The following RTF2 variants were observed in gnomAD, a reference collection of about 807,000 sequenced individuals.
The protein encoded by RTF2 is UPF0549 protein C20orf43.
A neutral mutation model predicts 38.0 loss-of-function variants in RTF2; 18 were observed. The observed-to-expected ratio is 0.47, with a 90% CI of 0.33 to 0.70. The LOEUF is 0.70. Ranked by LOEUF, RTF2 falls within the 30% of genes least tolerant of loss-of-function variation. RTF2 has a pLI of 0.02. For synonymous variants in RTF2, 126 were observed against 137.1 expected (o/e 0.92, Z 0.57); for missense variants, 311 against 379.6 (o/e 0.82, Z 1.50).
At chr20:56,498,453 G>A (rs925874447) in intron 5 of RTF2, among the ~76,000 whole-genome samples, 8 of 150,900 alleles carry the variant, frequency 5.3e-5, no homozygotes, top group African/African-American at 7.3e-5. Flanking sequence ...TGATTATCCC[G>A]TTGCACTCCA....
intron 1 of RTF2, among the ~76,000 whole-genome samples, chr20:56,471,962 C>T (rs764959875): frequency 6.6e-5 from 10 of 152,084 alleles, no homozygotes; most frequent in Non-Finnish European, 1.3e-4. Flanking sequence ...TGTTGGCTTA[C>T]GCCTGTAAAC....
chr20:56,481,032 C>T (rs962885811), intron 4 of RTF2, among the ~76,000 whole-genome samples: 1 of 152,136 alleles, frequency 6.6e-6, no homozygotes, highest in African/African-American at 2.4e-5. Flanking sequence ...GCAGGATTGC[C>T]GTGAACCTTC....
intron 5 of RTF2, chr20:56,503,934 C>G (rs1435512896): frequency 6.6e-6 from 1 of 152,648 alleles, no homozygotes; most frequent in African/African-American, 2.4e-5. Context: ...CACTGCCACA[C>G]TCCAGCCTGG....
At chr20:56,515,235 C>T (rs188390071) in intron 6 of RTF2, among the ~76,000 whole-genome samples, 1 of 152,156 alleles carries the variant, frequency 6.6e-6, no homozygotes. Context: ...AAGCCATCTC[C>T]CTGTTCTTAA....
chr20:56,510,564 A>G lies in RTF2; in HGVS notation c.478-2751A>G, dbSNP rs1207514087. On this transcript the variant is annotated intron_variant, in intron 5 of 8. Transcript: ENST00000357348. ...GCTCACTGCTCCATTTTTTATTTTT[A>G]AAAACTTGCCACCCAACTCATAGGG... Among the ~76,000 whole-genome samples the G allele has an allele frequency of 3.3e-5, 5 of 152,332 alleles. No homozygotes were observed. The South Asian group carries it at 1.0e-3, about 32-fold the overall frequency.
At chr20:56,489,314 T>A (rs1219236812) in intron 5 of RTF2, among the ~76,000 whole-genome samples, 1 of 151,102 alleles carries the variant, frequency 6.6e-6, no homozygotes. Flanking sequence ...TCCACCCGCC[T>A]CAGCCTTCCA....
In RTF2 at chr20:56,468,748, G is replaced by A. The variant is rs1298850822; in HGVS notation, c.51G>A (p.Gly17=). The part of the protein sequence containing the change: ...TIPKRHELVK[G]PKKVEKVDKD... Reference sequence around the variant, plus strand: ...CCAAGAGGCATGAACTGGTGAAGGGGCCGAAGAAGGTTGAGAAGGTCAGTG... The same window carrying A: ...CCAAGAGGCATGAACTGGTGAAGGGACCGAAGAAGGTTGAGAAGGTCAGTG... Residue 17 remains glycine, a synonymous_variant, in exon 1 of 9, where the codon GGG becomes GGA. Coordinates refer to ENST00000357348, the MANE Select transcript of RTF2 (RefSeq NM_016407.5). 1.3e-6 allele frequency: 2 copies of A among 1,587,646 alleles called. No homozygotes were observed. The highest frequency in any genetic ancestry group is 1.7e-6 in the Non-Finnish European group (2 of 1,167,276).
intron 5 of RTF2, among the ~76,000 whole-genome samples, chr20:56,511,535 A>G (rs1262915165): frequency 6.6e-6 from 1 of 152,148 alleles, no homozygotes; most frequent in Non-Finnish European, 1.5e-5. Context: ...ACATTTTCCT[A>G]TAAATTATTC....
At chr20:56,496,194 T>C (rs1391159224) in intron 5 of RTF2, among the ~76,000 whole-genome samples, 2 of 152,122 alleles carry the variant, frequency 1.3e-5, no homozygotes, top group African/African-American at 4.8e-5. Context: ...TCTTGCAAAA[T>C]GTAGAACATT....
chr20:56,468,766 G>C lies in RTF2; in HGVS notation c.69G>C (p.Lys23Asn). The C allele has an allele frequency of 3.2e-6, 5 of 1,577,714 alleles. No individual in the cohort carries two copies. The highest frequency in any genetic ancestry group is 4.3e-6 in the Non-Finnish European group (5 of 1,161,816). ...ELVKGPKKVE[K>N]VDKDAELVAQ... ...TGAAGGGGCCGAAGAAGGTTGAGAAGGTCAGTGATGTGGGCCGGCTCTTGG... is the reference window on the plus strand; with the variant it reads ...TGAAGGGGCCGAAGAAGGTTGAGAACGTCAGTGATGTGGGCCGGCTCTTGG... Residue 23 changes from lysine to asparagine, a missense_variant and splice_region_variant, in exon 1 of 9, where the codon AAG (lysine) becomes AAC (asparagine). By Grantham distance (94) the Lys-to-Asn change is moderately conservative. Coordinates refer to ENST00000357348, the MANE Select transcript of RTF2 (RefSeq NM_016407.5).
intron 5 of RTF2, chr20:56,504,086 G>T (rs773672433): frequency 6.6e-6 from 1 of 152,344 alleles, no homozygotes; most frequent in Non-Finnish European, 1.5e-5. Flanking sequence ...TGGAGGGGGA[G>T]TCCTGGCGGT....
At chr20:56,471,461 G>A (rs1159018849) in intron 1 of RTF2, among the ~76,000 whole-genome samples, 9 of 152,022 alleles carry the variant, frequency 5.9e-5, no homozygotes, top group South Asian at 2.1e-4. Flanking sequence ...CCAGCTACTC[G>A]GGAGGCTGAG....
intron 5 of RTF2, among the ~76,000 whole-genome samples, chr20:56,496,252 T>TC (rs1229433482): frequency 4.6e-5 from 7 of 152,106 alleles, no homozygotes; most frequent in African/African-American, 7.2e-5. Context: ...TTCAATTTTT[T>TC]CAATAAATCT....
At chr20:56,514,600 G>A (rs1167197995) in intron 6 of RTF2, among the ~76,000 whole-genome samples, 3 of 152,216 alleles carry the variant, frequency 2.0e-5, no homozygotes, top group East Asian at 3.9e-4. Flanking sequence ...AGACAGGACC[G>A]TATCACCCTG....
intron 4 of RTF2, among the ~76,000 whole-genome samples, 162 bp from the exon 5 acceptor site, chr20:56,483,949 C>CT (rs977055075): frequency 6.6e-6 from 1 of 151,872 alleles, no homozygotes; most frequent in African/African-American, 2.4e-5. Flanking sequence ...TGATTTATTT[C>CT]TTTTTTTCCT....
At chr20:56,496,738 A>G in intron 5 of RTF2, 1 of 1,552,118 alleles carries the variant, frequency 6.4e-7, no homozygotes, top group African/African-American at 1.4e-5. Context: ...GTCAGTATGA[A>G]CTCTACAAAC....
chr20:56,517,345 AG>A (rs1985114305), intron 8 of RTF2, 144 bp downstream of exon 8: 2 of 663,180 alleles, frequency 3.0e-6, no homozygotes, highest in Non-Finnish European at 2.6e-6. Flanking sequence ...AACTCTCTTT[AG>A]GGGGGTAACT....
At chr20:56,483,961 C>T (rs542647599) in intron 4 of RTF2, 150 bp from the exon 5 acceptor site, 3 of 502,518 alleles carry the variant, frequency 6.0e-6, no homozygotes, top group South Asian at 7.7e-5. Flanking sequence ...TTTTTTCCTG[C>T]CCCTTTTCTA....
In RTF2 at chr20:56,518,145, G is replaced by T. The variant is rs909627368; in HGVS notation, c.801G>T (p.Arg267Ser). Residue 267 changes from arginine (R) to serine (S), a missense_variant, in exon 9 of 9, where the codon AGG becomes AGT. Coordinates refer to ENST00000357348, the MANE Select transcript of RTF2 (RefSeq NM_016407.5). ...AGKPPCGATK[R>S]SIADSEESEA... ...AGCCTCCGTGTGGAGCCACAAAGAG[G>T]TCCATCGCTGACAGTGAAGAATCGG... 49 of 1,613,968 alleles carry T rather than the reference G, an allele frequency of 3.0e-5. No individual in the cohort carries two copies. The highest frequency in any genetic ancestry group is 4.2e-5 in the Non-Finnish European group (49 of 1,180,020).
Sources: gnomAD v4.1 joint callset for allele counts (sites outside exome capture counted in the v4.1 genomes callset) on GRCh38, gnomAD v4.1.1 for gene constraint, MANE v1.5 for transcripts, NCBI Gene and HGNC (gene_info 2026-07-23, HGNC 2026-07-21) for gene names.